PREPL: variants seen among roughly 807,000 people sequenced by gnomAD.
PREPL encodes the protein prolyl endopeptidase like.
In PREPL, 77 loss-of-function variants were observed where a neutral mutation model predicts 70.6. The observed-to-expected ratio is 1.09, with a 90% CI of 0.91 to 1.32. The LOEUF (loss-of-function observed/expected upper bound fraction) is 1.32, where lower values mean the gene tolerates loss of function less well. Among genes scored for constraint, PREPL ranks in the 40% most tolerant of loss-of-function variants. The probability of loss-of-function intolerance (pLI) is 0.00; values close to 1 mark genes in which losing one functional copy is unlikely to be tolerated. For missense variants in PREPL, 1,002 were observed against 778.2 expected (o/e 1.29, Z -3.42); for synonymous variants, 315 against 264.8 (o/e 1.19, Z -1.84).
intron 1 of PREPL, among the ~76,000 whole-genome samples, chr2:44,353,041 G>C (rs1377294276): frequency 6.6e-6 from 1 of 151,408 alleles, no homozygotes; most frequent in African/African-American, 2.4e-5. Context: ...GAGCCCAAGA[G>C]CTTCAGACCA....
Position 44,320,188 on chromosome 2 carries a change from T to A in PREPL, c.*1168A>T, listed in dbSNP as rs142602711. 1.2e-4 allele frequency: 186 copies of A among 1,606,742 alleles called. 1 individual carries two copies. The African/African-American group carries it at 2.0e-3, about 17-fold the overall frequency. On this transcript the variant is annotated 3_prime_UTR_variant, in exon 14 of 14. Transcript: ENST00000409411. ...TCAAACACTTACGTAAATACTTTTT[T>A]AAAAAAATAGGTCCAAAAGACTCAG...
In PREPL at chr2:44,322,756, C is replaced by A. The variant is rs757091047; in HGVS notation, c.1728G>T (p.Ala576=). The change falls in exon 12 of 14, where the codon GCG becomes GCT. Residue 576 remains alanine, a synonymous_variant. Transcript: ENST00000409411. ...CTTCACCTGTGTCCTTAGCATGCTC[C>A]GCGATGGCTTCCTTGAGTTTCTCAG... The part of the protein sequence containing the change: ...SYTEKLKEAI[A]EHAKDTGEGY... The A allele has an allele frequency of 2.5e-5, 41 of 1,613,672 alleles. No individual in the cohort carries two copies. The African/African-American group carries it at 3.1e-4, about 12-fold the overall frequency.
intron 1 of PREPL, among the ~76,000 whole-genome samples, chr2:44,355,117 G>A (rs1216084815): frequency 6.6e-6 from 1 of 152,112 alleles, no homozygotes; most frequent in Admixed American, 6.5e-5. Context: ...TTTAGGTCAG[G>A]TTTTGCCCAT....
intron 12 of PREPL, among the ~76,000 whole-genome samples, chr2:44,322,323 A>G (rs1673054057): frequency 6.6e-6 from 1 of 152,226 alleles, no homozygotes; most frequent in African/African-American, 2.4e-5. Context: ...ACAGCTAGCT[A>G]GAGGAAATTC....
chr2:44,350,028 G>C (rs977135746), intron 1 of PREPL, among the ~76,000 whole-genome samples: 1 of 152,120 alleles, frequency 6.6e-6, no homozygotes, highest in South Asian at 2.1e-4. Flanking sequence ...TCAAGAAACA[G>C]CTAATCTTTT....
At chr2:44,357,562 T>C (rs921348844) in intron 1 of PREPL, among the ~76,000 whole-genome samples, 8 of 152,320 alleles carry the variant, frequency 5.3e-5, no homozygotes, top group South Asian at 4.1e-4. Context: ...CTTGGAGTTA[T>C]TGAGTCAGGT....
chr2:44,320,542 A>G lies in PREPL; in HGVS notation c.*814T>C. 1 of 1,614,102 alleles carries G rather than the reference A, an allele frequency of 6.2e-7. No homozygotes were observed. The highest frequency in any genetic ancestry group is 8.5e-7 in the Non-Finnish European group (1 of 1,179,936). On this transcript the variant is annotated 3_prime_UTR_variant, in exon 14 of 14. Transcript: ENST00000409411. Reference sequence around the variant, plus strand: ...CTCATCTTTGAACACAACACGAAGAATCTCCTTCATCGCCAAACAGCTTTC... The same window carrying G: ...CTCATCTTTGAACACAACACGAAGAGTCTCCTTCATCGCCAAACAGCTTTC...
chr2:44,338,308 A>T lies in PREPL; in HGVS notation c.888+43T>A, dbSNP rs2289463. The T allele has an allele frequency of 0.67, 1,020,976 of 1,520,208 alleles. 347,354 individuals are homozygous for T. The highest frequency in any genetic ancestry group is 0.73 in the African/African-American group (52,662 of 71,670). 94.2% of individuals were successfully genotyped at this position (1,520,208 alleles called of 1,614,324 possible). On this transcript the variant is annotated intron_variant, in intron 7 of 13. Transcript: ENST00000409411. The stretch of plus-strand genomic sequence containing the variant: ...ATGTTCTGTTAAGCTAAACTGCATA[A>T]ATATTTTGATTAACAGTATTAACTT...
intron 10 of PREPL, among the ~76,000 whole-genome samples, chr2:44,325,172 G>A (rs1009520665): frequency 2.6e-5 from 4 of 152,170 alleles, no homozygotes; most frequent in African/African-American, 9.7e-5. Context: ...ATTTTTCCCT[G>A]CAGCTTGGGA....
intron 1 of PREPL, among the ~76,000 whole-genome samples, chr2:44,348,905 T>C (rs144165414): frequency 4.6e-5 from 7 of 152,326 alleles, no homozygotes; most frequent in South Asian, 2.1e-4. Flanking sequence ...CAGCTAGCAA[T>C]ATCATTAGCG....
At chr2:44,336,664 T>C (rs1674675883) in intron 7 of PREPL, among the ~76,000 whole-genome samples, 1 of 152,130 alleles carries the variant, frequency 6.6e-6, no homozygotes, top group Non-Finnish European at 1.5e-5. Flanking sequence ...CCTGCACATG[T>C]ACCCCTGAAA....
intron 4 of PREPL, among the ~76,000 whole-genome samples, chr2:44,343,086 T>C (rs746517534): frequency 2.0e-4 from 31 of 152,200 alleles, no homozygotes; most frequent in African/African-American, 6.5e-4. Flanking sequence ...TAAGTCATCA[T>C]TGTATAATAT....
chr2:44,343,287 T>C (rs763423978), intron 4 of PREPL, among the ~76,000 whole-genome samples: 6 of 152,164 alleles, frequency 3.9e-5, no homozygotes, highest in Non-Finnish European at 7.3e-5. Flanking sequence ...GTTCTATTAC[T>C]AAAAATGTCA....
intron 1 of PREPL, chr2:44,359,830 C>T (rs963143496): frequency 2.8e-6 from 2 of 703,002 alleles, no homozygotes; most frequent in African/African-American, 1.8e-5. Context: ...CAGTTCTCAT[C>T]CCTCCTTTTC....
intron 1 of PREPL, 87 bp from the exon 2 acceptor site, chr2:44,346,477 G>C: frequency 8.2e-7 from 1 of 1,226,658 alleles, no homozygotes; most frequent in South Asian, 1.3e-5. Flanking sequence ...CTATACCGTA[G>C]ACTTAACGTT....
At position 44,323,419 on chromosome 2, in the gene PREPL, A is replaced by AG. The variant is rs1673179501; in HGVS notation, c.1480-9_1480-8insC. The AG allele has an allele frequency of 6.4e-7, 1 of 1,570,434 alleles. No individual in the cohort carries two copies. The highest frequency in any genetic ancestry group is 2.3e-5 in the East Asian group (1 of 44,344). ...AACATCCAAGAAAGGTGCCTAAAAA[A>AG]AAGGCAAAGAAACTTATACTTCAAG... is the stretch of plus-strand genomic sequence containing the variant. On this transcript the variant is annotated splice_polypyrimidine_tract_variant and intron_variant, in intron 10 of 13. Coordinates refer to ENST00000409411, the MANE Select transcript of PREPL (RefSeq NM_001171613.2).
In PREPL at chr2:44,320,426, C is replaced by T. The variant is rs757852597; in HGVS notation, c.*930G>A. ...TACATAATATGATTTCGGGCCTTCC[C>T]GCTAAAATGAGAATAAGGTTAAGTA... On this transcript the variant is annotated 3_prime_UTR_variant, in exon 14 of 14. Transcript: ENST00000409411. 26 of 1,613,858 alleles carry T rather than the reference C, an allele frequency of 1.6e-5. No individual in the cohort carries two copies. Among genetic ancestry groups the T allele is most frequent in the East Asian group, 6.7e-5 (3 of 44,878 alleles).
chr2:44,355,793 A>AT (rs1676979730), intron 1 of PREPL, among the ~76,000 whole-genome samples: 4 of 150,666 alleles, frequency 2.7e-5, no homozygotes, highest in African/African-American at 9.7e-5. Context: ...ACACACACAC[A>AT]TATGAATATG....
At position 44,321,637 on chromosome 2, in the gene PREPL, C is replaced by T. The variant is rs75225457; in HGVS notation, c.1827+190G>A. ...AAATTATTTTCTTTAACAGAGCTCACGTATCAAGTACAAGAGAGAGACATT... is the reference window on the plus strand; with the variant it reads ...AAATTATTTTCTTTAACAGAGCTCATGTATCAAGTACAAGAGAGAGACATT... On this transcript the variant is annotated intron_variant, in intron 13 of 13. Coordinates refer to ENST00000409411, the MANE Select transcript of PREPL (RefSeq NM_001171613.2). 3,901 of 1,495,448 alleles carry T rather than the reference C, an allele frequency of 2.6e-3. 37 individuals carry two copies. In the African/African-American group the frequency reaches 0.03, roughly 12 times the overall value. 92.6% of individuals were successfully genotyped at this position (1,495,448 alleles called of 1,614,324 possible). A position where few individuals can be genotyped will look rare whatever the true frequency, so the allele number is the denominator to read the frequency against.
Sources: gnomAD v4.1 joint callset for allele counts (sites outside exome capture counted in the v4.1 genomes callset) on GRCh38, gnomAD v4.1.1 for gene constraint, MANE v1.5 for transcripts, NCBI Gene and HGNC (gene_info 2026-07-23, HGNC 2026-07-21) for gene names.